The following ITGBL1 variants were observed in gnomAD, a reference collection of about 807,000 sequenced individuals.
The protein encoded by ITGBL1 is integrin subunit beta like 1.
Under a neutral mutation model 68.5 loss-of-function variants are expected in ITGBL1, and 51 were observed. The observed-to-expected ratio is 0.74, with a 90% CI of 0.59 to 0.94. ITGBL1 has a LOEUF of 0.94. ITGBL1 is among the 40% of genes least tolerant of loss of function. The pLI is 0.00. For missense variants in ITGBL1, 649 were observed against 647.4 expected, an observed-to-expected ratio of 1.00 and a Z score of -0.03; for synonymous variants, 209 against 227.3, an observed-to-expected ratio of 0.92 and a Z score of 0.72.
At chr13:101,683,555 C>T (rs890348542) in intron 7 of ITGBL1, among the ~76,000 whole-genome samples, 4 of 152,028 alleles carry the variant, frequency 2.6e-5, no homozygotes, top group Middle Eastern at 6.8e-3. Flanking sequence ...TTTCCTGGTT[C>T]ACATGTGTAT....
At chr13:101,577,875 C>T (rs1422151602) in intron 4 of ITGBL1, among the ~76,000 whole-genome samples, 1 of 152,108 alleles carries the variant, frequency 6.6e-6, no homozygotes, top group African/African-American at 2.4e-5. Context: ...GATTAAATCA[C>T]TTGACAGCCT....
chr13:101,552,104 T>C (rs745596526), intron 2 of ITGBL1, among the ~76,000 whole-genome samples: 4 of 152,224 alleles, frequency 2.6e-5, no homozygotes, highest in African/African-American at 4.8e-5. Flanking sequence ...TACTGGCCAC[T>C]CTAGCAACCT....
intron 7 of ITGBL1, among the ~76,000 whole-genome samples, chr13:101,688,712 C>T (rs898148006): frequency 6.6e-6 from 1 of 152,044 alleles, no homozygotes; most frequent in Non-Finnish European, 1.5e-5. Context: ...TGTCGTGGGA[C>T]ATATTTAATT....
chr13:101,550,352 C>A lies in ITGBL1; in HGVS notation c.317-17347C>A, dbSNP rs186536008. Among the ~76,000 whole-genome samples, 471 of 152,204 alleles carry A rather than the reference C, an allele frequency of 3.1e-3. 2 individuals are homozygous for A. Among genetic ancestry groups the A allele is most frequent in the Non-Finnish European group, 4.6e-3 (312 of 67,994 alleles). ...GGCAAAGGTCAGGAATACTTACTGC[C>A]CACTGTGAAAGAGCAGGGACCCCGT... On this transcript the variant is annotated intron_variant, in intron 2 of 10. Coordinates refer to ENST00000376180, the MANE Select transcript of ITGBL1 (RefSeq NM_004791.3).
chr13:101,672,846 C>G (rs2033410984), intron 7 of ITGBL1, among the ~76,000 whole-genome samples: 1 of 152,144 alleles, frequency 6.6e-6, no homozygotes, highest in African/African-American at 2.4e-5. Flanking sequence ...CACAAAATGA[C>G]CAACCCCAGG....
chr13:101,631,796 C>T (rs1309238610), intron 7 of ITGBL1, among the ~76,000 whole-genome samples: 1 of 152,048 alleles, frequency 6.6e-6, no homozygotes, highest in East Asian at 1.9e-4. Flanking sequence ...AGAGGGTCTC[C>T]ACAGCTACAG....
At chr13:101,712,614 CTTCAAAT>C (rs2034523395) in intron 9 of ITGBL1, 1 of 152,150 alleles carries the variant, frequency 6.6e-6, no homozygotes, top group South Asian at 2.1e-4. Context: ...CAGCCAAATA[CTTCAAAT>C]AACTAATTTT....
At chr13:101,617,570 T>A (rs2031417115) in intron 7 of ITGBL1, among the ~76,000 whole-genome samples, 1 of 152,194 alleles carries the variant, frequency 6.6e-6, no homozygotes. Context: ...TCTATGCTAA[T>A]CAAGTTTCAT....
intron 7 of ITGBL1, among the ~76,000 whole-genome samples, chr13:101,657,799 A>C (rs1235740988): frequency 1.3e-5 from 2 of 152,224 alleles, no homozygotes; most frequent in African/African-American, 4.8e-5. Flanking sequence ...TCTACAAATA[A>C]TAAAGCAAAG....
intron 2 of ITGBL1, among the ~76,000 whole-genome samples, chr13:101,551,679 C>A (rs1217819115): frequency 1.3e-5 from 2 of 152,140 alleles, no homozygotes; most frequent in African/African-American, 2.4e-5. Flanking sequence ...ATTATGTTTT[C>A]TGTTTTTCAT....
chr13:101,524,733 T>C (rs2049345249), intron 2 of ITGBL1, among the ~76,000 whole-genome samples: 3 of 151,854 alleles, frequency 2.0e-5, no homozygotes, highest in Non-Finnish European at 4.4e-5. Flanking sequence ...GGGTAGACTA[T>C]GAAAAAAATG....
chr13:101,502,913 T>C (rs1028097610), intron 2 of ITGBL1, among the ~76,000 whole-genome samples: 3 of 152,198 alleles, frequency 2.0e-5, no homozygotes, highest in African/African-American at 7.2e-5. Flanking sequence ...GATTGTTCCT[T>C]AGTGTTTTTC....
downstream of ITGBL1, chr13:101,719,770 A>G (rs867562925): frequency 2.8e-4 from 43 of 152,216 alleles, no homozygotes; most frequent in African/African-American, 1.0e-3. Flanking sequence ...CAAAACACAC[A>G]GTCTAAATAC....
Position 101,506,273 on chromosome 13 carries a change from A to G in ITGBL1, c.316+52173A>G, listed in dbSNP as rs530999363. 6.6e-5 allele frequency among the ~76,000 whole-genome samples: 10 copies of G among 152,200 alleles called. No homozygotes were observed. In the South Asian group the frequency reaches 1.2e-3, roughly 19 times the overall value. ...GAGGCATATCTCTCTACATTTTTCT[A>G]GCATCTGTGACATTGAAGACAGAAG... On this transcript the variant is annotated intron_variant, in intron 2 of 10. Transcript: ENST00000376180.
intron 2 of ITGBL1, among the ~76,000 whole-genome samples, chr13:101,529,508 A>C (rs1355790205): frequency 6.6e-6 from 1 of 152,218 alleles, no homozygotes; most frequent in Non-Finnish European, 1.5e-5. Context: ...TGGAAAAAGA[A>C]AACTATGTTA....
At chr13:101,651,336 T>A (rs551801118) in intron 7 of ITGBL1, among the ~76,000 whole-genome samples, 5 of 152,316 alleles carry the variant, frequency 3.3e-5, no homozygotes, top group African/African-American at 1.2e-4. Flanking sequence ...TAATAAAGGC[T>A]ATTCTGACTG....
chr13:101,579,525 A>G, intron 5 of ITGBL1, 98 bp downstream of exon 5: 1 of 1,248,946 alleles, frequency 8.0e-7, no homozygotes, highest in East Asian at 2.6e-5. Flanking sequence ...TGTGGGAGGA[A>G]GTTATCTTCT....
At chr13:101,593,126 C>A (rs2050683823) in intron 6 of ITGBL1, among the ~76,000 whole-genome samples, 1 of 151,954 alleles carries the variant, frequency 6.6e-6, no homozygotes, top group Non-Finnish European at 1.5e-5. Flanking sequence ...AGAAGACATT[C>A]AGATGTCCAA....
intron 7 of ITGBL1, among the ~76,000 whole-genome samples, chr13:101,668,734 A>G (rs1266353688): frequency 1.3e-5 from 2 of 152,214 alleles, no homozygotes; most frequent in African/African-American, 2.4e-5. Flanking sequence ...TTCAGATGTT[A>G]AAATTATGTT....
Sources: gnomAD v4.1 joint callset for allele counts (sites outside exome capture counted in the v4.1 genomes callset) on GRCh38, gnomAD v4.1.1 for gene constraint, MANE v1.5 for transcripts, NCBI Gene and HGNC (gene_info 2026-07-23, HGNC 2026-07-21) for gene names.